The following THSD7A variants were observed in gnomAD, a reference collection of about 807,000 sequenced individuals.
THSD7A encodes thrombospondin type-1 domain-containing protein 7A.
In THSD7A, 96 loss-of-function variants were observed where a neutral mutation model predicts 231.3. The ratio of observed to expected loss-of-function variants is 0.41; its 90% CI spans 0.35 to 0.49. The LOEUF (loss-of-function observed/expected upper bound fraction) is 0.49, where lower values mean the gene tolerates loss of function less well. THSD7A is among the 20% of genes least tolerant of loss of function. The pLI is 0.05. For synonymous variants in THSD7A, 940 were observed against 743.3 expected (o/e 1.26, Z -4.30); for missense variants, 2,290 against 2,070.2 (o/e 1.11, Z -2.06).
chr7:11,534,646 G>A (rs904596720), intron 6 of THSD7A, among the ~76,000 whole-genome samples: 3 of 152,240 alleles, frequency 2.0e-5, no homozygotes, highest in Admixed American at 6.5e-5. Flanking sequence ...ATAGTTAAAT[G>A]ATATATGGTC....
At chr7:11,643,373 T>G (rs1357122796) in intron 1 of THSD7A, among the ~76,000 whole-genome samples, 1 of 152,088 alleles carries the variant, frequency 6.6e-6, no homozygotes, top group Non-Finnish European at 1.5e-5. Flanking sequence ...GTAAAAAGAT[T>G]AGAAATTACT....
intron 4 of THSD7A, among the ~76,000 whole-genome samples, chr7:11,588,616 G>A (rs982949980): frequency 6.6e-6 from 1 of 151,870 alleles, no homozygotes; most frequent in Non-Finnish European, 1.5e-5. Flanking sequence ...CAGTGGTTGG[G>A]GGGAGCTCTA....
intron 1 of THSD7A, among the ~76,000 whole-genome samples, chr7:11,757,699 T>C (rs1248929108): frequency 6.6e-6 from 1 of 152,014 alleles, no homozygotes; most frequent in East Asian, 1.9e-4. Context: ...TGTTTTTTGA[T>C]TCTCCAGAAT....
intron 1 of THSD7A, among the ~76,000 whole-genome samples, chr7:11,644,409 T>C (rs1223200661): frequency 6.6e-6 from 1 of 151,982 alleles, no homozygotes; most frequent in African/African-American, 2.4e-5. Context: ...ATTTTGAATG[T>C]TTTTCATCTA....
chr7:11,735,681 C>G (rs1049585008), intron 1 of THSD7A, among the ~76,000 whole-genome samples: 9 of 151,956 alleles, frequency 5.9e-5, no homozygotes, highest in Admixed American at 3.9e-4. Context: ...ACTAGAGCCT[C>G]AAAACTACTT....
chr7:11,801,412 C>T (rs1784272404), intron 1 of THSD7A, among the ~76,000 whole-genome samples: 1 of 152,060 alleles, frequency 6.6e-6, no homozygotes, highest in Non-Finnish European at 1.5e-5. Context: ...GCTGACAAAG[C>T]ATGTGCGAAG....
At chr7:11,509,834 A>AAAAAAAAAAAAAAAAAAAAAAAAAAAAT in intron 6 of THSD7A, among the ~76,000 whole-genome samples, 4 of 144,634 alleles carry the variant, frequency 2.8e-5, no homozygotes, top group Non-Finnish European at 6.0e-5. Context: ...AAAAAAAAAA[A>AAAAAAAAAAAAAAAAAAAAAAAAAAAAT]AATAACATCT....
intron 23 of THSD7A, among the ~76,000 whole-genome samples, chr7:11,382,923 G>C (rs927098807): frequency 3.5e-5 from 5 of 143,558 alleles, no homozygotes; most frequent in African/African-American, 1.4e-4. Context: ...TATATATATA[G>C]TTATATATAT....
intron 1 of THSD7A, among the ~76,000 whole-genome samples, chr7:11,725,341 T>C (rs916767152): frequency 5.3e-5 from 8 of 152,096 alleles, no homozygotes; most frequent in Admixed American, 3.3e-4. Context: ...AGCTTGCTTA[T>C]GCTTTGATCA....
At chr7:11,437,183 T>G (rs1331595756) in intron 13 of THSD7A, among the ~76,000 whole-genome samples, 2 of 152,064 alleles carry the variant, frequency 1.3e-5, no homozygotes, top group African/African-American at 2.4e-5. Flanking sequence ...TATGAAGTAG[T>G]AGATGAGTTG....
chr7:11,572,731 C>A (rs1790698035), intron 4 of THSD7A, among the ~76,000 whole-genome samples: 1 of 151,670 alleles, frequency 6.6e-6, no homozygotes, highest in Non-Finnish European at 1.5e-5. Flanking sequence ...GTCTCAAATT[C>A]CTGGGCTCAA....
intron 4 of THSD7A, among the ~76,000 whole-genome samples, chr7:11,563,437 G>A: frequency 6.6e-6 from 1 of 152,120 alleles, no homozygotes; most frequent in East Asian, 1.9e-4. Flanking sequence ...TCAGCTCACT[G>A]CAACCTCCGC....
At chr7:11,777,654 A>G (rs1783458590) in intron 1 of THSD7A, among the ~76,000 whole-genome samples, 1 of 152,164 alleles carries the variant, frequency 6.6e-6, no homozygotes, top group Non-Finnish European at 1.5e-5. Flanking sequence ...AAGATAGTCT[A>G]ATTCTAGAAT....
chr7:11,762,869 A>T (rs1216336312), intron 1 of THSD7A, among the ~76,000 whole-genome samples: 1 of 152,264 alleles, frequency 6.6e-6, no homozygotes, highest in Admixed American at 6.5e-5. Flanking sequence ...CATTATAATG[A>T]CCATATTGAC....
chr7:11,457,221 T>G (rs1179484525), intron 11 of THSD7A, among the ~76,000 whole-genome samples: 3 of 152,032 alleles, frequency 2.0e-5, no homozygotes. Context: ...TTTCTACATT[T>G]CAAGTGCATA....
At chr7:11,736,444 C>G (rs1193539369) in intron 1 of THSD7A, among the ~76,000 whole-genome samples, 1 of 149,704 alleles carries the variant, frequency 6.7e-6, no homozygotes, top group Non-Finnish European at 1.5e-5. Context: ...CTGGGTGACA[C>G]AGCAGACTCT....
chr7:11,515,186 C>G (rs543776636), intron 6 of THSD7A, among the ~76,000 whole-genome samples: 1 of 152,224 alleles, frequency 6.6e-6, no homozygotes, highest in African/African-American at 2.4e-5. Flanking sequence ...GATTTTAGTT[C>G]CTGTTCAAAC....
At chr7:11,553,049 T>C (rs959809695) in intron 4 of THSD7A, among the ~76,000 whole-genome samples, 1 of 152,062 alleles carries the variant, frequency 6.6e-6, no homozygotes, top group Non-Finnish European at 1.5e-5. Flanking sequence ...TGCATTTGTG[T>C]CTGTGTCCTA....
intron 1 of THSD7A, among the ~76,000 whole-genome samples, chr7:11,748,983 G>C (rs1002557893): frequency 6.6e-6 from 1 of 151,858 alleles, no homozygotes; most frequent in Non-Finnish European, 1.5e-5. Flanking sequence ...GCGGGGAGGG[G>C]AGCAGCTCCT....
Sources: gnomAD v4.1 joint callset for allele counts (sites outside exome capture counted in the v4.1 genomes callset) on GRCh38, gnomAD v4.1.1 for gene constraint, MANE v1.5 for transcripts, NCBI Gene and HGNC (gene_info 2026-07-23, HGNC 2026-07-21) for gene names.